The following ATRNL1 variants were observed in gnomAD, a reference collection of about 807,000 sequenced individuals.
The protein encoded by ATRNL1 is attractin-like protein 1.
ATRNL1 carries 95 observed loss-of-function variants against 182.7 expected under a neutral mutation model. The ratio of observed to expected loss-of-function variants is 0.52; its 90% CI spans 0.44 to 0.62. ATRNL1 has a LOEUF of 0.62. Ranked by LOEUF, ATRNL1 falls within the 20% of genes least tolerant of loss-of-function variation. The pLI is 0.00. For synonymous variants in ATRNL1, 576 were observed against 568.3 expected (o/e 1.01, Z -0.19); for missense variants, 1,471 against 1,679.5 (o/e 0.88, Z 2.17).
intron 24 of ATRNL1, among the ~76,000 whole-genome samples, chr10:115,470,097 C>G (rs938862538): frequency 6.7e-6 from 1 of 150,282 alleles, no homozygotes; most frequent in Admixed American, 6.7e-5. Flanking sequence ...CAGATCATCC[C>G]TTCCCTATAT....
At chr10:115,771,280 G>C (rs1044627425) in intron 27 of ATRNL1, among the ~76,000 whole-genome samples, 6 of 150,472 alleles carry the variant, frequency 4.0e-5, no homozygotes, top group African/African-American at 1.5e-4. Flanking sequence ...GCCCAGGCCG[G>C]ACTGCAGTGG....
chr10:115,725,929 A>G (rs1292961924), intron 26 of ATRNL1, among the ~76,000 whole-genome samples: 2 of 152,154 alleles, frequency 1.3e-5, no homozygotes, highest in African/African-American at 2.4e-5. Flanking sequence ...TTTACTTTGA[A>G]TATGTATTTT....
At chr10:115,481,357 A>C (rs1848757199) in intron 24 of ATRNL1, among the ~76,000 whole-genome samples, 1 of 150,810 alleles carries the variant, frequency 6.6e-6, no homozygotes, top group South Asian at 2.1e-4. Context: ...TTAGAAAATT[A>C]TTTCTTTTGC....
At chr10:115,128,114 A>G (rs782198504) in intron 4 of ATRNL1, among the ~76,000 whole-genome samples, 6 of 152,170 alleles carry the variant, frequency 3.9e-5, no homozygotes, top group Admixed American at 6.5e-5. Flanking sequence ...TGTAGTCCCT[A>G]TTGCAGAGAC....
intron 25 of ATRNL1, among the ~76,000 whole-genome samples, chr10:115,541,613 C>T (rs1852363174): frequency 6.6e-6 from 1 of 151,788 alleles, no homozygotes; most frequent in African/African-American, 2.4e-5. Context: ...TCAAAATACC[C>T]AAAAATAATA....
chr10:115,750,376 T>C (rs1410866644), intron 27 of ATRNL1, among the ~76,000 whole-genome samples: 7 of 151,884 alleles, frequency 4.6e-5, no homozygotes, highest in African/African-American at 1.7e-4. Flanking sequence ...AGGAAAAAGA[T>C]GGGCTTCTCA....
At chr10:115,625,590 A>G (rs1555024400) in intron 26 of ATRNL1, among the ~76,000 whole-genome samples, 1 of 152,178 alleles carries the variant, frequency 6.6e-6, no homozygotes, top group Admixed American at 6.5e-5. Flanking sequence ...TTTTATCCAT[A>G]ACATTCTAGA....
rs373254898 is a variant in ATRNL1 at position 115,207,200 on chromosome 10, A to G, written c.1349-8497A>G. ...ATGATTTATAATCCTTTGGGTATAT[A>G]CCCAGTAATGGGATGGCTGGGTCAA... On this transcript the variant is annotated intron_variant, in intron 8 of 28. Coordinates refer to ENST00000355044, the MANE Select transcript of ATRNL1 (RefSeq NM_207303.4). Among the ~76,000 whole-genome samples, 1,058 of 152,232 alleles carry G rather than the reference A, an allele frequency of 6.9e-3. 10 individuals carry two copies. The highest frequency in any genetic ancestry group is 0.025 in the African/African-American group (1,018 of 41,546).
At chr10:115,406,891 T>C (rs1554958396) in intron 20 of ATRNL1, among the ~76,000 whole-genome samples, 1 of 152,128 alleles carries the variant, frequency 6.6e-6, no homozygotes, top group Non-Finnish European at 1.5e-5. Context: ...TTCCCTATGG[T>C]TAGTGCTTTT....
At chr10:115,508,407 T>C (rs1430191836) in intron 24 of ATRNL1, among the ~76,000 whole-genome samples, 1 of 152,050 alleles carries the variant, frequency 6.6e-6, no homozygotes, top group African/African-American at 2.4e-5. Context: ...CTTGTCACTT[T>C]AAATCAAATG....
intron 26 of ATRNL1, among the ~76,000 whole-genome samples, chr10:115,623,685 T>C (rs1857918377): frequency 6.6e-6 from 1 of 152,030 alleles, no homozygotes; most frequent in African/African-American, 2.4e-5. Flanking sequence ...AATACCACAA[T>C]CAGTTTTTTT....
chr10:115,733,859 A>G (rs1393152942), intron 27 of ATRNL1, among the ~76,000 whole-genome samples: 7 of 152,210 alleles, frequency 4.6e-5, no homozygotes, highest in South Asian at 2.1e-4. Context: ...TGTAAAAGAT[A>G]TAATACAAAT....
intron 19 of ATRNL1, among the ~76,000 whole-genome samples, chr10:115,369,612 A>T (rs1211315405): frequency 2.6e-5 from 4 of 152,152 alleles, no homozygotes; most frequent in African/African-American, 7.2e-5. Flanking sequence ...TTTGGATCAT[A>T]TGAAAGGTCC....
chr10:115,897,688 A>G (rs1324723943), intron 28 of ATRNL1, among the ~76,000 whole-genome samples: 6 of 152,178 alleles, frequency 3.9e-5, no homozygotes, highest in African/African-American at 1.4e-4. Flanking sequence ...CCAGGCTGCC[A>G]GATTTTTGTG....
intron 5 of ATRNL1, among the ~76,000 whole-genome samples, chr10:115,131,936 AT>A (rs1269527402): frequency 6.6e-5 from 10 of 151,818 alleles, no homozygotes; most frequent in African/African-American, 2.4e-4. Flanking sequence ...TTTTATTTTT[AT>A]TTTTTTATTA....
intron 27 of ATRNL1, among the ~76,000 whole-genome samples, chr10:115,783,377 A>C (rs1458933692): frequency 2.0e-5 from 3 of 152,212 alleles, no homozygotes; most frequent in African/African-American, 7.2e-5. Flanking sequence ...AAAAGAGTTC[A>C]GATTTGGAGA....
intron 26 of ATRNL1, among the ~76,000 whole-genome samples, chr10:115,644,387 A>G (rs1022066935): frequency 6.6e-6 from 1 of 152,154 alleles, no homozygotes; most frequent in African/African-American, 2.4e-5. Context: ...GCACTCTCAC[A>G]TTTAGTTCTC....
chr10:115,711,799 A>G (rs563046050), intron 26 of ATRNL1, among the ~76,000 whole-genome samples: 2 of 152,288 alleles, frequency 1.3e-5, no homozygotes, highest in African/African-American at 4.8e-5. Context: ...ATATAACTCT[A>G]TGGCCATATT....
chr10:115,153,432 A>G (rs1164053144), intron 5 of ATRNL1, among the ~76,000 whole-genome samples: 1 of 152,116 alleles, frequency 6.6e-6, no homozygotes, highest in South Asian at 2.1e-4. Flanking sequence ...TTCCTGGTTT[A>G]GTCTTGGGAG....
Sources: gnomAD v4.1 joint callset for allele counts (sites outside exome capture counted in the v4.1 genomes callset) on GRCh38, gnomAD v4.1.1 for gene constraint, MANE v1.5 for transcripts, NCBI Gene and HGNC (gene_info 2026-07-23, HGNC 2026-07-21) for gene names.